KCNIP4: variants seen among roughly 807,000 people sequenced by gnomAD.
KCNIP4 encodes potassium voltage-gated channel interacting protein 4, also known as Kv channel-interacting protein 4.
Under a neutral mutation model 34.0 loss-of-function variants are expected in KCNIP4, and 12 were observed. The observed-to-expected ratio is 0.35, with a 90% confidence interval of 0.23 to 0.57. The LOEUF is 0.57. Ranked by LOEUF, KCNIP4 falls within the 20% of genes least tolerant of loss-of-function variation. The probability of loss-of-function intolerance (pLI) is 0.83; values close to 1 mark genes in which losing one functional copy is unlikely to be tolerated. For synonymous variants in KCNIP4, 124 were observed against 102.2 expected (o/e 1.21, Z -1.29); for missense variants, 238 against 311.7 (o/e 0.76, Z 1.78).
At chr4:21,828,433 A>ACC (rs1722796410) in intron 1 of KCNIP4, among the ~76,000 whole-genome samples, 1 of 151,894 alleles carries the variant, frequency 6.6e-6, no homozygotes, top group Non-Finnish European at 1.5e-5. Flanking sequence ...ATGGAGAAGC[A>ACC]AATATACTCG....
intron 1 of KCNIP4, among the ~76,000 whole-genome samples, chr4:21,533,548 A>G (rs1319212512): frequency 6.6e-6 from 1 of 152,184 alleles, no homozygotes; most frequent in Admixed American, 6.5e-5. Flanking sequence ...ACAAGAAGGT[A>G]TCATGATCAA....
At chr4:21,723,146 T>C (rs2109098462) in intron 1 of KCNIP4, among the ~76,000 whole-genome samples, 1 of 152,290 alleles carries the variant, frequency 6.6e-6, no homozygotes, top group South Asian at 2.1e-4. Context: ...TTCTCCAAGA[T>C]ATGATTTCAC....
At chr4:20,920,210 C>G (rs1729256014) in intron 1 of KCNIP4, among the ~76,000 whole-genome samples, 1 of 152,078 alleles carries the variant, frequency 6.6e-6, no homozygotes, top group East Asian at 1.9e-4. Flanking sequence ...GCCAAAGTTA[C>G]TCAGTTTTAA....
intron 1 of KCNIP4, among the ~76,000 whole-genome samples, chr4:21,906,408 G>T (rs992640528): frequency 7.9e-5 from 12 of 152,114 alleles, no homozygotes; most frequent in Admixed American, 4.6e-4. Context: ...AGATTGGCGT[G>T]ATGTAGCCAC....
intron 1 of KCNIP4, among the ~76,000 whole-genome samples, chr4:21,338,062 C>T (rs575621429): frequency 6.6e-6 from 1 of 152,080 alleles, no homozygotes; most frequent in Admixed American, 6.5e-5. Context: ...TTCAAGATAG[C>T]TCCTTTATCA....
At chr4:21,840,770 A>G (rs1157522086) in intron 1 of KCNIP4, among the ~76,000 whole-genome samples, 2 of 152,212 alleles carry the variant, frequency 1.3e-5, no homozygotes, top group African/African-American at 2.4e-5. Flanking sequence ...CCTTAATGGC[A>G]TCTTGAAGAC....
intron 1 of KCNIP4, among the ~76,000 whole-genome samples, chr4:20,904,194 T>C (rs183792395): frequency 2.6e-5 from 4 of 152,192 alleles, no homozygotes; most frequent in African/African-American, 9.6e-5. Context: ...AACTCTCTGC[T>C]CTTATGGTCA....
In KCNIP4 at chr4:21,592,033, T is replaced by C. The variant is rs192039749; in HGVS notation, c.61+356538A>G. Among the ~76,000 whole-genome samples the C allele has an allele frequency of 1.2e-4, 19 of 152,160 alleles. No homozygotes were observed. The East Asian group carries it at 3.7e-3, about 30-fold the overall frequency. ...TTCAGACTTACTGAGACCAAAGTGA[T>C]AGAGGGATAGTCATGGGAAAATATA... On this transcript the variant is annotated intron_variant, in intron 1 of 8. Transcript: ENST00000382152.
chr4:21,166,963 A>AAC (rs1753676179), intron 1 of KCNIP4, among the ~76,000 whole-genome samples: 1 of 150,468 alleles, frequency 6.6e-6, no homozygotes. Context: ...AAAAAAAAAA[A>AAC]AGAAGTGAGT....
chr4:20,772,776 G>A (rs1050191405), intron 3 of KCNIP4, among the ~76,000 whole-genome samples: 3 of 151,732 alleles, frequency 2.0e-5, no homozygotes, highest in African/African-American at 7.3e-5. Flanking sequence ...TGAATAGCTG[G>A]GATTACAGGC....
At chr4:20,856,636 C>T (rs1370568334) in intron 2 of KCNIP4, among the ~76,000 whole-genome samples, 5 of 152,170 alleles carry the variant, frequency 3.3e-5, no homozygotes, top group African/African-American at 1.2e-4. Flanking sequence ...GATATTCCTG[C>T]TCAACTTTCT....
At chr4:20,958,667 T>C (rs1560601313) in intron 1 of KCNIP4, among the ~76,000 whole-genome samples, 1 of 152,316 alleles carries the variant, frequency 6.6e-6, no homozygotes, top group East Asian at 1.9e-4. Context: ...GAGTAAGTAA[T>C]AGCATCTTTC....
intron 1 of KCNIP4, among the ~76,000 whole-genome samples, chr4:21,657,387 C>T (rs1373884018): frequency 6.6e-6 from 1 of 152,160 alleles, no homozygotes; most frequent in Non-Finnish European, 1.5e-5. Flanking sequence ...TCATTCCATA[C>T]TTTGTGACTG....
chr4:21,935,129 A>C (rs752238689), intron 1 of KCNIP4, among the ~76,000 whole-genome samples: 1 of 151,840 alleles, frequency 6.6e-6, no homozygotes, highest in Non-Finnish European at 1.5e-5. Context: ...TCTCCCATCT[A>C]ACTCCACCCA....
intron 1 of KCNIP4, among the ~76,000 whole-genome samples, chr4:21,272,456 A>AT (rs1762210469): frequency 6.6e-6 from 1 of 152,184 alleles, no homozygotes; most frequent in African/African-American, 2.4e-5. Context: ...AAACTATTAG[A>AT]TAGAGTTATT....
At chr4:21,489,150 T>C (rs985168514) in intron 1 of KCNIP4, among the ~76,000 whole-genome samples, 2 of 152,088 alleles carry the variant, frequency 1.3e-5, no homozygotes, top group African/African-American at 4.8e-5. Flanking sequence ...GTTTGTGAGC[T>C]AGAGTGAGGT....
chr4:21,306,725 T>G (rs995782858), intron 1 of KCNIP4, among the ~76,000 whole-genome samples: 8 of 152,318 alleles, frequency 5.3e-5, no homozygotes, highest in Non-Finnish European at 1.2e-4. Flanking sequence ...TGCAGAGCCC[T>G]TCAGCTTGCC....
intron 1 of KCNIP4, among the ~76,000 whole-genome samples, chr4:21,319,466 C>A (rs1422178800): frequency 6.6e-6 from 1 of 152,196 alleles, no homozygotes; most frequent in Non-Finnish European, 1.5e-5. Flanking sequence ...AGAATCTTTT[C>A]CTAGAAACTC....
chr4:21,678,304 G>GTTTTTTT (rs1750068106), intron 1 of KCNIP4, among the ~76,000 whole-genome samples: 2 of 32,582 alleles, frequency 6.1e-5, no homozygotes, highest in Admixed American at 5.0e-4. Flanking sequence ...ATCTTCTTTT[G>GTTTTTTT]ATTTTTTTTT....
Sources: gnomAD v4.1 joint callset for allele counts (sites outside exome capture counted in the v4.1 genomes callset) on GRCh38, gnomAD v4.1.1 for gene constraint, MANE v1.5 for transcripts, NCBI Gene and HGNC (gene_info 2026-07-23, HGNC 2026-07-21) for gene names.